The following DPH5 variants were observed in gnomAD, a reference collection of about 807,000 sequenced individuals.
DPH5 encodes the protein diphthine methyl ester synthase.
A neutral mutation model predicts 31.6 loss-of-function variants in DPH5; 31 were observed. The observed-to-expected ratio is 0.98, with a 90% CI of 0.74 to 1.32. The LOEUF (loss-of-function observed/expected upper bound fraction) is 1.32, where lower values mean the gene tolerates loss of function less well. Among genes scored for constraint, DPH5 ranks in the 40% most tolerant of loss-of-function variants. The pLI is 0.00. For missense variants in DPH5, 309 were observed against 335.7 expected (o/e 0.92, Z 0.62); for synonymous variants, 120 against 115.0 (o/e 1.04, Z -0.28).
intron 4 of DPH5, among the ~76,000 whole-genome samples, chr1:101,004,026 G>A (rs866550698): frequency 9.2e-5 from 14 of 152,116 alleles, no homozygotes; most frequent in Non-Finnish European, 1.9e-4. Context: ...AAAAGAAAGT[G>A]ACAGACCACT....
chr1:101,025,538 G>T, intron 1 of DPH5, 72 bp from the exon 2 acceptor site: 1 of 1,468,934 alleles, frequency 6.8e-7, no homozygotes, highest in Non-Finnish European at 9.3e-7. Flanking sequence ...TGAACACGAT[G>T]ACAACCAAAG....
At chr1:100,997,984 C>G (rs1658521604) in intron 5 of DPH5, among the ~76,000 whole-genome samples, 1 of 152,130 alleles carries the variant, frequency 6.6e-6, no homozygotes, top group South Asian at 2.1e-4. Flanking sequence ...CTTACAGTGT[C>G]CTTGTTAGTA....
intron 4 of DPH5, among the ~76,000 whole-genome samples, chr1:101,010,452 A>G (rs1405668983): frequency 3.3e-5 from 5 of 152,216 alleles, no homozygotes; most frequent in African/African-American, 1.2e-4. Flanking sequence ...TCTGTTGGCT[A>G]ATAAACTACA....
rs1448335480 is a variant in DPH5, at chr1:101,001,584, A to G, written c.373T>C (p.Tyr125His). ...NAVGCCGLQL[Y>H]KFGETVSIVF... ...ATAGAAACTGTCTCTCCAAACTTAT[A>G]TAACTAGAAAAAAAAACATTAATTA... The change falls in exon 5 of 8, where the codon TAT (tyrosine) becomes CAT (histidine). Residue 125 changes from tyrosine to histidine, a missense_variant. Transcript: ENST00000370109. 1.9e-6 allele frequency: 3 copies of G among 1,566,074 alleles called. No homozygotes were observed. Among genetic ancestry groups the G allele is most frequent in the East Asian group, 2.2e-5 (1 of 44,544 alleles).
At chr1:101,019,928 GAGA>G (rs1660330941) in intron 3 of DPH5, among the ~76,000 whole-genome samples, 2 of 152,126 alleles carry the variant, frequency 1.3e-5, no homozygotes, top group Admixed American at 1.3e-4. Context: ...ATTAGGAACT[GAGA>G]AGAACTCTTT....
intron 6 of DPH5, 61 bp downstream of exon 6, chr1:100,995,049 A>G: frequency 8.5e-7 from 1 of 1,179,264 alleles, no homozygotes. Context: ...ATTTAAGTAG[A>G]ATGTATTGAA....
intron 7 of DPH5, among the ~76,000 whole-genome samples, chr1:100,991,215 C>A (rs1318865245): frequency 3.9e-5 from 6 of 152,158 alleles, no homozygotes; most frequent in Non-Finnish European, 7.4e-5. Context: ...GCATTTGGCA[C>A]TATTTATGTT....
chr1:100,999,459 CA>C (rs1481640817), intron 5 of DPH5, among the ~76,000 whole-genome samples: 3 of 151,966 alleles, frequency 2.0e-5, no homozygotes, highest in Non-Finnish European at 2.9e-5. Flanking sequence ...CTTAAACAAA[CA>C]AACAAACAAA....
At chr1:101,021,517 G>T in intron 3 of DPH5, 124 bp downstream of exon 3, 2 of 903,940 alleles carry the variant, frequency 2.2e-6, no homozygotes, top group Non-Finnish European at 3.3e-6. Flanking sequence ...TTTAGATAGC[G>T]CTTAAGTAAC....
chr1:100,992,648 C>A lies in DPH5; in HGVS notation c.623G>T (p.Gly208Val). 1 of 1,613,656 alleles carries A rather than the reference C, an allele frequency of 6.2e-7. No individual in the cohort carries two copies. The change falls in exon 7 of 8, where the codon GGA (glycine) becomes GTA (valine). Residue 208 changes from glycine (G) to valine (V), a missense_variant. Transcript: ENST00000370109. The stretch of plus-strand genomic sequence containing the variant: ...AGTGTCTTGAGTACCTGGTTCTTCT[C>A]CTCGTATTCTTTGATTTTGAACAAT... Reference protein sequence around the residue: ...LEIVQNQRIRGEEPAVTEETL... With the variant: ...LEIVQNQRIRVEEPAVTEETL...
chr1:101,000,025 T>C (rs1021386200), intron 5 of DPH5, among the ~76,000 whole-genome samples: 2 of 151,728 alleles, frequency 1.3e-5, no homozygotes, highest in African/African-American at 4.8e-5. Context: ...CATGAACCTG[T>C]AGTCCTAACT....
At chr1:100,995,046 TA>T in intron 6 of DPH5, 63 bp downstream of exon 6, 1 of 1,159,432 alleles carries the variant, frequency 8.6e-7, no homozygotes, top group Non-Finnish European at 1.3e-6. Flanking sequence ...GTCATTTAAG[TA>T]GAATGTATTG....
intron 4 of DPH5, among the ~76,000 whole-genome samples, chr1:101,003,593 G>A (rs1421543208): frequency 6.6e-6 from 1 of 152,160 alleles, no homozygotes; most frequent in Admixed American, 6.5e-5. Context: ...TAAAAATGTG[G>A]TTTTTAAGGG....
chr1:100,999,444 T>C (rs1300035499), intron 5 of DPH5, among the ~76,000 whole-genome samples: 1 of 152,056 alleles, frequency 6.6e-6, no homozygotes, highest in Non-Finnish European at 1.5e-5. Context: ...AGCGAGACCT[T>C]GTCTCTTAAA....
At position 100,992,714 on chromosome 1, in the gene DPH5, C is replaced by G; in HGVS notation, c.557G>C (p.Arg186Pro). 1 of 1,613,282 alleles carries G rather than the reference C, an allele frequency of 6.2e-7. No individual in the cohort carries two copies. Among genetic ancestry groups the G allele is most frequent in the Non-Finnish European group, 8.5e-7 (1 of 1,179,480 alleles). ...GGCTGCTTGGTTTACACTCATATAC[C>G]GTGGAGGTTCATAGATCTTCCTTCC... ...IKGRKIYEPPRYMSVNQAAQQ... is the reference protein window; with the variant it reads ...IKGRKIYEPPPYMSVNQAAQQ... The change falls in exon 7 of 8, where the codon CGG (arginine) becomes CCG (proline). Residue 186 changes from arginine to proline, a missense_variant. Physicochemically the swap from Arg to Pro is moderately radical, Grantham distance 103. Transcript: ENST00000370109.
rs765800081 is a variant in DPH5, at chr1:101,021,649, A to G, written c.252T>C (p.Asp84=). The G allele has an allele frequency of 5.0e-6, 8 of 1,612,800 alleles. No homozygotes were observed. The South Asian group carries it at 8.8e-5, about 18-fold the overall frequency. ...TATCTGCCTTGACTTACCCAAATGG[A>G]TCACCAACCACAAGGAATGCAACAT... is the stretch of plus-strand genomic sequence containing the variant. ...ISDVAFLVVG[D]PFGATTHSDL... is the part of the protein sequence containing the mutation. Residue 84 remains aspartate (D), a synonymous_variant, in exon 3 of 8, where the codon GAT becomes GAC. Coordinates refer to ENST00000370109, the MANE Select transcript of DPH5 (RefSeq NM_015958.3).
Position 101,025,620 on chromosome 1 carries a change from G to T in DPH5, c.-24+63C>A, listed in dbSNP as rs1660772118. 9.5e-6 allele frequency: 7 copies of T among 737,126 alleles called. No individual in the cohort carries two copies. The South Asian group carries it at 1.3e-4, about 14-fold the overall frequency. 45.7% of individuals were successfully genotyped at this position (737,126 alleles called of 1,614,324 possible). A position where few individuals can be genotyped will look rare whatever the true frequency, so the allele number is the denominator to read the frequency against. ...ATGTCACGCTTAAGAACTGGGATAA[G>T]AGGTTTTAAACAACCCTACCAGTTT... On this transcript the variant is annotated intron_variant, in intron 1 of 7. Transcript: ENST00000370109.
At chr1:101,009,612 T>C (rs1659488290) in intron 4 of DPH5, among the ~76,000 whole-genome samples, 2 of 152,250 alleles carry the variant, frequency 1.3e-5, no homozygotes, top group South Asian at 4.1e-4. Context: ...TAAATGACTG[T>C]AATTTAGAGA....
In DPH5 at chr1:101,025,754, TGCAAAAG is replaced by T. The variant is rs1660781789; in HGVS notation, c.-102_-96del. On this transcript the variant is annotated 5_prime_UTR_variant, in exon 1 of 8. Coordinates refer to ENST00000370109, the MANE Select transcript of DPH5 (RefSeq NM_015958.3). ...ACTACCACCTTTCCGCAGAAGCAAC[TGCAAAAG>T]CGCCGGCTCCGTGCAGAGAAAAGGC... 6.4e-6 allele frequency: 2 copies of T among 313,786 alleles called. No individual in the cohort carries two copies. Among genetic ancestry groups the T allele is most frequent in the African/African-American group, 2.2e-5 (1 of 46,008 alleles). 19.4% of individuals were successfully genotyped at this position (313,786 alleles called of 1,614,324 possible).
Sources: gnomAD v4.1 joint callset for allele counts (sites outside exome capture counted in the v4.1 genomes callset) on GRCh38, gnomAD v4.1.1 for gene constraint, MANE v1.5 for transcripts, NCBI Gene and HGNC (gene_info 2026-07-23, HGNC 2026-07-21) for gene names.